PTPRN2: variants seen among roughly 807,000 people sequenced by gnomAD.
The protein encoded by PTPRN2 is receptor-type tyrosine-protein phosphatase N2.
Under a neutral mutation model 118.8 loss-of-function variants are expected in PTPRN2, and 74 were observed. The observed-to-expected ratio is 0.62, with a 90% CI of 0.52 to 0.76. The LOEUF (loss-of-function observed/expected upper bound fraction) is 0.76, where lower values mean the gene tolerates loss of function less well. Ranked by LOEUF, PTPRN2 falls within the 30% of genes least tolerant of loss-of-function variation. PTPRN2 has a pLI of 0.00. For missense variants in PTPRN2, 1,481 were observed against 1,394.4 expected (o/e 1.06, Z -0.99); for synonymous variants, 641 against 608.0 (o/e 1.05, Z -0.80).
intron 2 of PTPRN2, among the ~76,000 whole-genome samples, chr7:158,435,102 A>T (rs1816486128): frequency 6.6e-6 from 1 of 152,318 alleles, no homozygotes; most frequent in Non-Finnish European, 1.5e-5. Context: ...GAAACAGACA[A>T]GGGAGACTAC....
At chr7:157,675,674 C>T (rs1796632240) in intron 13 of PTPRN2, among the ~76,000 whole-genome samples, 1 of 152,210 alleles carries the variant, frequency 6.6e-6, no homozygotes, top group Admixed American at 6.5e-5. Flanking sequence ...AGGAATCCAA[C>T]ACCCATCCCA....
At chr7:158,010,885 T>C (rs189655224) in intron 11 of PTPRN2, among the ~76,000 whole-genome samples, 1 of 152,332 alleles carries the variant, frequency 6.6e-6, no homozygotes, top group Admixed American at 6.5e-5. Flanking sequence ...GACCAGTGGG[T>C]CTGCTCCCCC....
At chr7:158,317,368 G>A (rs1009832108) in intron 2 of PTPRN2, among the ~76,000 whole-genome samples, 1 of 152,254 alleles carries the variant, frequency 6.6e-6, no homozygotes, top group South Asian at 2.1e-4. Flanking sequence ...TACAAGGATC[G>A]GCGGAGACGC....
At position 157,619,155 on chromosome 7, in the gene PTPRN2, C is replaced by A. The variant is rs1055225989; in HGVS notation, c.2344+2207G>T. On this transcript the variant is annotated intron_variant, in intron 15 of 22. Coordinates refer to ENST00000389418, the MANE Select transcript of PTPRN2 (RefSeq NM_002847.5). This position sits in a 1 kb window ranked among gnomAD's most constrained non-coding sequence, Gnocchi z 5.3. ...CCCCATCCACACTGTACAGACAGAGCCCAGAAGGCTGCAGGGCACACGGGA... is the reference window on the plus strand; with the variant it reads ...CCCCATCCACACTGTACAGACAGAGACCAGAAGGCTGCAGGGCACACGGGA... 6.6e-6 allele frequency among the ~76,000 whole-genome samples: 1 copy of A among 152,138 alleles called. No homozygotes were observed. The highest frequency in any genetic ancestry group is 1.5e-5 in the Non-Finnish European group (1 of 68,018).
intron 12 of PTPRN2, among the ~76,000 whole-genome samples, chr7:157,751,075 C>T (rs768584200): frequency 1.3e-5 from 2 of 152,192 alleles, no homozygotes; most frequent in Non-Finnish European, 2.9e-5. Context: ...CAGATCCTGG[C>T]GGGGAGCTGC....
rs1435164157 is a variant in PTPRN2, at chr7:157,619,301, G to C, written c.2344+2061C>G. Among the ~76,000 whole-genome samples the C allele has an allele frequency of 6.6e-6, 1 of 152,160 alleles. No homozygotes were observed. Among genetic ancestry groups the C allele is most frequent in the Non-Finnish European group, 1.5e-5 (1 of 68,040 alleles). ...ATCTAAGTAAATGACCAGACACACA[G>C]AGACATATAATGCACGCTTACTGCA... On this transcript the variant is annotated intron_variant, in intron 15 of 22. Coordinates refer to ENST00000389418, the MANE Select transcript of PTPRN2 (RefSeq NM_002847.5). This position sits in a 1 kb window ranked among gnomAD's most constrained non-coding sequence, Gnocchi z 5.3.
chr7:158,468,224 T>C (rs1355851236), intron 2 of PTPRN2, among the ~76,000 whole-genome samples: 1 of 152,258 alleles, frequency 6.6e-6, no homozygotes, highest in Non-Finnish European at 1.5e-5. Flanking sequence ...TTGCATTGAT[T>C]TGCATGTCCA....
At chr7:158,062,900 G>C (rs572527518) in intron 11 of PTPRN2, among the ~76,000 whole-genome samples, 2 of 152,182 alleles carry the variant, frequency 1.3e-5, no homozygotes, top group Non-Finnish European at 2.9e-5. Context: ...GACAAGCGCC[G>C]CCCCCTGCTC....
At chr7:158,387,578 G>GGCACTCT (rs1563230352) in intron 2 of PTPRN2, among the ~76,000 whole-genome samples, 1 of 16,932 alleles carries the variant, frequency 5.9e-5, no homozygotes, top group African/African-American at 2.7e-4. Flanking sequence ...TGTCAGCTCA[G>GGCACTCT]CTTGGCCCGG....
At chr7:158,556,428 C>G (rs1303148332) in intron 1 of PTPRN2, among the ~76,000 whole-genome samples, 1 of 152,050 alleles carries the variant, frequency 6.6e-6, no homozygotes, top group East Asian at 1.9e-4. Flanking sequence ...GTGGCGCATG[C>G]CTGTAATCCC....
chr7:158,581,405 G>C (rs918416470), intron 1 of PTPRN2, among the ~76,000 whole-genome samples: 1 of 152,206 alleles, frequency 6.6e-6, no homozygotes, highest in African/African-American at 2.4e-5. Context: ...GGCTGTCACT[G>C]TGAAGGGAGC....
chr7:158,006,215 G>A (rs771114423), intron 11 of PTPRN2, among the ~76,000 whole-genome samples: 10 of 152,204 alleles, frequency 6.6e-5, no homozygotes, highest in East Asian at 1.9e-4. Flanking sequence ...TGTGTTCCTC[G>A]TGGAATTACT....
chr7:158,506,385 C>T (rs995513241), intron 1 of PTPRN2, among the ~76,000 whole-genome samples: 5 of 152,070 alleles, frequency 3.3e-5, no homozygotes, highest in Admixed American at 3.3e-4. Context: ...GCTTTGTCCT[C>T]CTTCAGTAGA....
intron 14 of PTPRN2, among the ~76,000 whole-genome samples, chr7:157,649,870 G>C (rs62476822): frequency 6.4e-5 from 7 of 109,064 alleles, no homozygotes; most frequent in Admixed American, 9.0e-5. Context: ...ACCCACCCAG[G>C]GTGCACTGAA....
At chr7:158,358,679 G>A (rs1215232974) in intron 2 of PTPRN2, among the ~76,000 whole-genome samples, 3 of 152,202 alleles carry the variant, frequency 2.0e-5, no homozygotes, top group Non-Finnish European at 2.9e-5. Flanking sequence ...CTGAGCACGC[G>A]GTGCTGCCTT....
At chr7:157,803,683 G>A (rs1468798555) in intron 12 of PTPRN2, among the ~76,000 whole-genome samples, 2 of 151,972 alleles carry the variant, frequency 1.3e-5, no homozygotes, top group Admixed American at 6.6e-5. Flanking sequence ...GTGAAGAGGC[G>A]ACCCTTCCCT....
At chr7:158,117,023 A>G (rs1816779145) in intron 9 of PTPRN2, among the ~76,000 whole-genome samples, 1 of 150,410 alleles carries the variant, frequency 6.6e-6, no homozygotes, top group Admixed American at 6.6e-5. Context: ...GCAAGAAACA[A>G]GAAACAAAGA....
chr7:158,137,237 G>A (rs1215571020), intron 7 of PTPRN2, among the ~76,000 whole-genome samples: 3 of 151,990 alleles, frequency 2.0e-5, no homozygotes, highest in Admixed American at 1.3e-4. Flanking sequence ...GCCAACAGGC[G>A]AAACCCCGTC....
intron 11 of PTPRN2, among the ~76,000 whole-genome samples, chr7:158,032,269 G>A (rs1807743777): frequency 6.6e-6 from 1 of 152,214 alleles, no homozygotes; most frequent in African/African-American, 2.4e-5. Flanking sequence ...GCCCAGGAAG[G>A]GGTGGCTGAT....
Sources: allele counts gnomAD v4.1 joint callset (sites outside exome capture counted in the v4.1 genomes callset), GRCh38; gene constraint gnomAD v4.1.1; non-coding constraint Gnocchi (gnomAD v3.1); transcripts MANE v1.5; gene names NCBI Gene and HGNC (gene_info 2026-07-23, HGNC 2026-07-21).